Variants in PCNX4 observed in about 807,000 individuals in gnomAD.
PCNX4 encodes pecanex 4.
PCNX4 carries 103 observed loss-of-function variants against 107.2 expected under a neutral mutation model. That is an observed-to-expected ratio of 0.96 (90% CI 0.82 to 1.13). The LOEUF is 1.13. Ranked by LOEUF, PCNX4 falls within the 50% of genes most tolerant of loss-of-function variation. The pLI is 0.00. For missense variants in PCNX4, 1,528 were observed against 1,379.4 expected (o/e 1.11, Z -1.71); for synonymous variants, 541 against 481.7 (o/e 1.12, Z -1.61).
At chr14:60,098,031 C>G (rs952560928) in intron 1 of PCNX4, among the ~76,000 whole-genome samples, 1 of 152,160 alleles carries the variant, frequency 6.6e-6, no homozygotes, top group African/African-American at 2.4e-5. Flanking sequence ...TTTTAAGTTT[C>G]ACCTTGATCA....
Position 60,144,904 on chromosome 14 carries a change from G to T in PCNX4, c.*10683G>T. On this transcript the variant is annotated 3_prime_UTR_variant, in exon 11 of 11. Coordinates refer to ENST00000406854, the MANE Select transcript of PCNX4 (RefSeq NM_001330177.2). The stretch of plus-strand genomic sequence containing the variant: ...CTTTGATTATTCAGAAGCATAAGAA[G>T]ATTGCTGTTTTCATGTTTTCCATTT... 2 of 1,330,698 alleles carry T rather than the reference G, an allele frequency of 1.5e-6. No homozygotes were observed. The highest frequency in any genetic ancestry group is 2.2e-6 in the Non-Finnish European group (2 of 925,998). The allele number at this position is 1,330,698 out of a possible 1,614,324, so 82.4% of individuals were successfully genotyped here.
At position 60,124,231 on chromosome 14, in the gene PCNX4, A is replaced by G. The variant is rs546925110; in HGVS notation, c.2060A>G (p.Gln687Arg). 7.0e-6 allele frequency: 11 copies of G among 1,581,958 alleles called. No homozygotes were observed. In the South Asian group the frequency reaches 1.0e-4, roughly 15 times the overall value. The change falls in exon 9 of 11, where the codon CAG (glutamine) becomes CGG (arginine). Residue 687 changes from glutamine to arginine, a missense_variant. Coordinates refer to ENST00000406854, the MANE Select transcript of PCNX4 (RefSeq NM_001330177.2). Reference protein sequence around the residue: ...CSINIKGLELQETSCHTAEAR... With the variant: ...CSINIKGLELRETSCHTAEAR... ...TTTCTTCTTTAGGGGTTAGAATTGC[A>G]GGAAACATCCTGTCATACTGCAGAA...
chr14:60,129,445 C>G (rs1896115576), intron 10 of PCNX4, among the ~76,000 whole-genome samples: 1 of 151,472 alleles, frequency 6.6e-6, no homozygotes, highest in Non-Finnish European at 1.5e-5. Context: ...CTAGCTACCA[C>G]TTTAGAGGCT....
chr14:60,108,659 G>GA (rs1382896241), intron 2 of PCNX4: 9 of 179,494 alleles, frequency 5.0e-5, no homozygotes, highest in Non-Finnish European at 1.0e-4. Context: ...CCTGTGGGGG[G>GA]AAAGAAGAAA....
Position 60,138,229 on chromosome 14 carries a change from ATATAG to A in PCNX4, c.*4011_*4015del, listed in dbSNP as rs1213477034. On this transcript the variant is annotated 3_prime_UTR_variant, in exon 11 of 11. Coordinates refer to ENST00000406854, the MANE Select transcript of PCNX4 (RefSeq NM_001330177.2). ...AAACTAAGAGACAAAAGAATAGAAA[ATATAG>A]TAGAGAGTATAAGAGACATAGAGTT... 2 of 152,196 alleles carry A rather than the reference ATATAG, an allele frequency of 1.3e-5. No homozygotes were observed. Among genetic ancestry groups the A allele is most frequent in the Non-Finnish European group, 2.9e-5 (2 of 68,030 alleles). 9.4% of individuals were successfully genotyped at this position (152,196 alleles called of 1,614,324 possible).
At chr14:60,101,232 T>G (rs1895525977) in intron 1 of PCNX4, among the ~76,000 whole-genome samples, 1 of 152,226 alleles carries the variant, frequency 6.6e-6, no homozygotes, top group Non-Finnish European at 1.5e-5. Context: ...TGATGTCTTA[T>G]GCCTCCCTAA....
intron 2 of PCNX4, among the ~76,000 whole-genome samples, chr14:60,112,685 T>A (rs1179059577): frequency 1.3e-5 from 2 of 152,118 alleles, no homozygotes; most frequent in Non-Finnish European, 2.9e-5. Context: ...GATAGAGGAG[T>A]GTTGTCTTGG....
chr14:60,094,316 A>G (rs1314797363), intron 1 of PCNX4, among the ~76,000 whole-genome samples: 3 of 62,974 alleles, frequency 4.8e-5, no homozygotes, highest in African/African-American at 9.4e-5. Flanking sequence ...AAAGAACCCT[A>G]TTCCCCCAAG....
In PCNX4 at chr14:60,134,111, A is replaced by G. The variant is rs1321102396; in HGVS notation, c.3409A>G (p.Ser1137Gly). The G allele has an allele frequency of 6.2e-7, 1 of 1,613,914 alleles. No homozygotes were observed. Among genetic ancestry groups the G allele is most frequent in the Non-Finnish European group, 8.5e-7 (1 of 1,179,822 alleles). ...YATNDDEERYSIQAHPLLLRN... is the reference protein window; with the variant it reads ...YATNDDEERYGIQAHPLLLRN... ...CACAAACGATGATGAAGAACGTTATAGTATACAAGCTCATCCACTACTTTT... is the reference window on the plus strand; with the variant it reads ...CACAAACGATGATGAAGAACGTTATGGTATACAAGCTCATCCACTACTTTT... The change falls in exon 11 of 11, where the codon AGT becomes GGT. Residue 1137 changes from serine (S) to glycine (G), a missense_variant. Physicochemically the swap from Ser to Gly is moderately conservative, Grantham distance 56 (BLOSUM62 0). Transcript: ENST00000406854.
chr14:60,115,563 C>A, intron 4 of PCNX4, 102 bp downstream of exon 4: 2 of 1,409,022 alleles, frequency 1.4e-6, no homozygotes, highest in Non-Finnish European at 1.9e-6. Flanking sequence ...ATACCATATA[C>A]AAGTGTTTGT....
chr14:60,135,932 T>G lies in PCNX4; in HGVS notation c.*1711T>G, dbSNP rs2140573247. The G allele has an allele frequency of 6.6e-6, 1 of 152,280 alleles. No homozygotes were observed. The highest frequency in any genetic ancestry group is 2.4e-5 in the African/African-American group (1 of 41,554). 9.4% of individuals were successfully genotyped at this position (152,280 alleles called of 1,614,324 possible). ...CTACTGTCCCCCAAATAATGTGAATTTTAAGTTGTTTAGAGATTTTCACTG... is the reference window on the plus strand; with the variant it reads ...CTACTGTCCCCCAAATAATGTGAATGTTAAGTTGTTTAGAGATTTTCACTG... On this transcript the variant is annotated 3_prime_UTR_variant, in exon 11 of 11. Transcript: ENST00000406854.
Position 60,108,318 on chromosome 14 carries a change from T to A in PCNX4, c.680T>A (p.Leu227Gln), listed in dbSNP as rs764617820. 1.2e-6 allele frequency: 2 copies of A among 1,604,736 alleles called. No homozygotes were observed. Among genetic ancestry groups the A allele is most frequent in the South Asian group, 1.1e-5 (1 of 89,514 alleles). The stretch of plus-strand genomic sequence containing the variant: ...ATTTTTTTCTTTGTTTCTGTGGATC[T>A]GGCACACAGGTAAAAACCTACCAAA... ...LYIFFFVSVD[L>Q]AHRFVVNMPA... is the part of the protein sequence containing the mutation. Residue 227 changes from leucine to glutamine, a missense_variant, in exon 2 of 11, where the codon CTG becomes CAG. By Grantham distance (113) the Leu-to-Gln change is moderately radical. Coordinates refer to ENST00000406854, the MANE Select transcript of PCNX4 (RefSeq NM_001330177.2).
At chr14:60,099,088 A>C (rs1270669139) in intron 1 of PCNX4, among the ~76,000 whole-genome samples, 1 of 152,150 alleles carries the variant, frequency 6.6e-6, no homozygotes, top group African/African-American at 2.4e-5. Flanking sequence ...CCCTCAACAG[A>C]TAGCACTTGG....
chr14:60,103,542 A>G (rs1895572909), intron 1 of PCNX4, among the ~76,000 whole-genome samples: 1 of 152,156 alleles, frequency 6.6e-6, no homozygotes, highest in Non-Finnish European at 1.5e-5. Flanking sequence ...ATAAATCACC[A>G]TATCAGTGTT....
intron 7 of PCNX4, among the ~76,000 whole-genome samples, chr14:60,120,007 A>AT (rs1895925199): frequency 6.6e-6 from 1 of 152,186 alleles, no homozygotes; most frequent in African/African-American, 2.4e-5. Flanking sequence ...AGATTCCATG[A>AT]TTTAGTGATT....
rs1031414970 is a variant in PCNX4, at chr14:60,138,845, G to A, written c.*4624G>A. 3 of 152,020 alleles carry A rather than the reference G, an allele frequency of 2.0e-5. No homozygotes were observed. Among genetic ancestry groups the A allele is most frequent in the African/African-American group, 7.2e-5 (3 of 41,382 alleles). 9.4% of individuals were successfully genotyped at this position (152,020 alleles called of 1,614,324 possible). A position where few individuals can be genotyped will look rare whatever the true frequency, so the allele number is the denominator to read the frequency against. On this transcript the variant is annotated 3_prime_UTR_variant, in exon 11 of 11. Transcript: ENST00000406854. ...ATATTAACTATATAAAATAGTCTTC[G>A]AGGTTAAAATAAATAATGTTAAAAT...
chr14:60,133,335 A>G (rs1273574847), intron 10 of PCNX4, among the ~76,000 whole-genome samples: 1 of 152,220 alleles, frequency 6.6e-6, no homozygotes, highest in Non-Finnish European at 1.5e-5. Context: ...AATCGGTCAC[A>G]AAAGACCACA....
chr14:60,108,868 A>G (rs1012377147), intron 2 of PCNX4: 1 of 165,998 alleles, frequency 6.0e-6, no homozygotes, highest in African/African-American at 2.4e-5. Context: ...AACCCCTTTT[A>G]CTTGCCTTTT....
rs886085120 is a variant in PCNX4 at position 60,135,222 on chromosome 14, T to A, written c.*1001T>A. On this transcript the variant is annotated 3_prime_UTR_variant, in exon 11 of 11. Coordinates refer to ENST00000406854, the MANE Select transcript of PCNX4 (RefSeq NM_001330177.2). ...GCCCCCTAGATTTATAATAATGTAT[T>A]CTCCTTAGAAATCATTCAAATTATA... The A allele has an allele frequency of 2.6e-5, 4 of 152,322 alleles. No homozygotes were observed. Among genetic ancestry groups the A allele is most frequent in the Middle Eastern group, 3.4e-3 (1 of 294 alleles). The allele number at this position is 152,322 out of a possible 1,614,324, so 9.4% of individuals were successfully genotyped here.
Sources: gnomAD v4.1 joint callset for allele counts (sites outside exome capture counted in the v4.1 genomes callset) on GRCh38, gnomAD v4.1.1 for gene constraint, MANE v1.5 for transcripts, NCBI Gene and HGNC (gene_info 2026-07-23, HGNC 2026-07-21) for gene names.